The following CFAP74 variants were observed in gnomAD, a reference collection of about 807,000 sequenced individuals.
CFAP74 encodes the protein cilia and flagella associated protein 74.
A neutral mutation model predicts 188.9 loss-of-function variants in CFAP74; 124 were observed. The ratio of observed to expected loss-of-function variants is 0.66; its 90% CI spans 0.57 to 0.76. The LOEUF (loss-of-function observed/expected upper bound fraction) is 0.76. Ranked by LOEUF, CFAP74 falls within the 30% of genes least tolerant of loss-of-function variation. CFAP74 has a pLI of 0.00. For missense variants in CFAP74, 2,198 were observed against 2,165.2 expected, an observed-to-expected ratio of 1.02 and a Z score of -0.30; for synonymous variants, 956 against 916.7, an observed-to-expected ratio of 1.04 and a Z score of -0.77.
rs1652247426 is a variant in CFAP74, at chr1:1,930,110, C to T, written c.3238G>A (p.Asp1080Asn). Residue 1080 changes from aspartate (D) to asparagine (N), a missense_variant, in exon 26 of 39, where the codon GAC becomes AAC. Coordinates refer to ENST00000682832, the MANE Select transcript of CFAP74 (RefSeq NM_001304360.2). ...GAGGGCGAGATGGTGATAGGCGAGTCTGGGGGCAGCAGGAACTCGAAAGAC... is the reference window on the plus strand; with the variant it reads ...GAGGGCGAGATGGTGATAGGCGAGTTTGGGGGCAGCAGGAACTCGAAAGAC... ...PTSFEFLLPPDSPITISPSVG... is the reference protein window; with the variant it reads ...PTSFEFLLPPNSPITISPSVG... 3.3e-6 allele frequency: 5 copies of T among 1,534,932 alleles called. No homozygotes were observed. In the East Asian group the frequency reaches 1.2e-4, roughly 38 times the overall value.
chr1:1,949,052 TTTCCTTCC>T (rs202218537), intron 18 of CFAP74, among the ~76,000 whole-genome samples: 2 of 94,338 alleles, frequency 2.1e-5, no homozygotes, highest in Non-Finnish European at 4.1e-5. Context: ...CCTTCCCTCC[TTTCCTTCC>T]TTCCTTCCTT....
At chr1:1,969,764 G>A (rs1655796693) in intron 10 of CFAP74, among the ~76,000 whole-genome samples, 1 of 152,204 alleles carries the variant, frequency 6.6e-6, no homozygotes, top group Non-Finnish European at 1.5e-5. Context: ...ACTCAGGGGG[G>A]TGGGGAGGAC....
At position 1,990,388 on chromosome 1, in the gene CFAP74, C is replaced by T. The variant is rs184989569; in HGVS notation, c.67+502G>A. On this transcript the variant is annotated intron_variant, in intron 2 of 38. Transcript: ENST00000682832. Reference sequence around the variant, plus strand: ...GGGGGGCGGGAGAGGGAGACAGTGGCGGGGGGCAGGGGGGAGAAGGCCACA... The same window carrying T: ...GGGGGGCGGGAGAGGGAGACAGTGGTGGGGGGCAGGGGGGAGAAGGCCACA... Among the ~76,000 whole-genome samples the T allele has an allele frequency of 2.5e-3, 195 of 78,502 alleles. 1 individual carries two copies. Among genetic ancestry groups the T allele is most frequent in the East Asian group, 0.02 (57 of 2,878 alleles). The allele number at this position is 78,502 out of a possible 152,430, so 51.5% of individuals were successfully genotyped here. A position where few individuals can be genotyped will look rare whatever the true frequency, so the allele number is the denominator to read the frequency against.
chr1:1,923,574 C>A lies in CFAP74; in HGVS notation c.4390-75G>T. On this transcript the variant is annotated intron_variant, in intron 35 of 38. Coordinates refer to ENST00000682832, the MANE Select transcript of CFAP74 (RefSeq NM_001304360.2). The surrounding 1 kb of genome is among the most constrained non-coding windows in gnomAD (Gnocchi z 6.3). ...GTCCTGCTGGTGAGAGCTGGGCTGG[C>A]TCAGGGAAGGAAGCAGGGACGGCCT... 1 of 1,569,510 alleles carries A rather than the reference C, an allele frequency of 6.4e-7. No homozygotes were observed. The highest frequency in any genetic ancestry group is 1.2e-5 in the South Asian group (1 of 84,706).
intron 24 of CFAP74, 142 bp downstream of exon 24, chr1:1,939,452 A>C: frequency 1.3e-6 from 1 of 797,848 alleles, no homozygotes; most frequent in Admixed American, 2.6e-5. Flanking sequence ...GGGGAGGCCC[A>C]GGTGTGGAGG....
intron 21 of CFAP74, 48 bp downstream of exon 21, chr1:1,944,283 C>G (rs1239737157): frequency 1.3e-6 from 2 of 1,521,656 alleles, no homozygotes; most frequent in African/African-American, 2.8e-5. Context: ...CAGCGGCTCA[C>G]CCCGTGTGCG....
At chr1:1,970,585 G>A (rs576436761) in intron 10 of CFAP74, 74 bp downstream of exon 10, 173 of 1,488,374 alleles carry the variant, frequency 1.2e-4, no homozygotes, top group African/African-American at 2.6e-4. Context: ...ATGTGAAGCC[G>A]AACCCCCTTG....
At chr1:1,957,628 C>T (rs1051597708) in intron 16 of CFAP74, among the ~76,000 whole-genome samples, 10 of 152,312 alleles carry the variant, frequency 6.6e-5, no homozygotes, top group Non-Finnish European at 7.4e-5. Flanking sequence ...CGGGAGAGGC[C>T]GGGGCAGCTC....
intron 4 of CFAP74, chr1:1,988,017 T>G: frequency 2.2e-6 from 1 of 444,882 alleles, no homozygotes; most frequent in Non-Finnish European, 4.5e-6. Context: ...CACCCAGGCT[T>G]GCTGCAGCCT....
intron 18 of CFAP74, chr1:1,954,869 G>T: frequency 1.7e-6 from 2 of 1,153,802 alleles, no homozygotes; most frequent in Non-Finnish European, 2.2e-6. Flanking sequence ...CAGGTGCCCT[G>T]TGGGAACTCA....
intron 2 of CFAP74, 36 bp from the exon 3 acceptor site, chr1:1,989,009 AG>A: frequency 9.7e-7 from 1 of 1,032,822 alleles, no homozygotes; most frequent in Non-Finnish European, 1.4e-6. Context: ...AAAAAAAAAA[AG>A]CAGATCAAAC....
intron 1 of CFAP74, among the ~76,000 whole-genome samples, chr1:1,999,860 A>T (rs56316921): frequency 0.14 from 20,847 of 151,062 alleles, 1,749 homozygotes; most frequent in South Asian, 0.32. Context: ...ATGACATCCT[A>T]GGGAAAGTTA....
chr1:1,971,299 TCACACATGCA>T (rs1347176624), intron 9 of CFAP74, among the ~76,000 whole-genome samples: 1 of 132,714 alleles, frequency 7.5e-6, no homozygotes, highest in Non-Finnish European at 1.6e-5. Context: ...ACATACACGC[TCACACATGCA>T]CACCTGCAGA....
intron 11 of CFAP74, among the ~76,000 whole-genome samples, chr1:1,967,992 GTGAA>G (rs1205783000): frequency 9.4e-5 from 13 of 138,130 alleles, no homozygotes; most frequent in South Asian, 8.9e-4. Context: ...GAATGAATGA[GTGAA>G]TGAGTGAGCG....
chr1:1,955,191 G>A (rs1008545563), intron 18 of CFAP74: 10 of 1,288,624 alleles, frequency 7.8e-6, no homozygotes, highest in South Asian at 1.2e-5. Flanking sequence ...TCTGGATCTC[G>A]ATGCGTATGT....
At chr1:1,961,960 C>T (rs57794387) in intron 14 of CFAP74, among the ~76,000 whole-genome samples, 10 of 152,126 alleles carry the variant, frequency 6.6e-5, no homozygotes, top group Admixed American at 3.3e-4. Flanking sequence ...GAAGATGCCT[C>T]GTGGGAGAAG....
chr1:1,923,584 G>A lies in CFAP74; in HGVS notation c.4390-85C>T. On this transcript the variant is annotated intron_variant, in intron 35 of 38. Coordinates refer to ENST00000682832, the MANE Select transcript of CFAP74 (RefSeq NM_001304360.2). This position sits in a 1 kb window ranked among gnomAD's most constrained non-coding sequence, Gnocchi z 6.3. ...TGAGAGCTGGGCTGGCTCAGGGAAGGAAGCAGGGACGGCCTGGGGGCCCCG... is the reference window on the plus strand; with the variant it reads ...TGAGAGCTGGGCTGGCTCAGGGAAGAAAGCAGGGACGGCCTGGGGGCCCCG... 6.4e-7 allele frequency: 1 copy of A among 1,559,964 alleles called. No homozygotes were observed. Among genetic ancestry groups the A allele is most frequent in the Admixed American group, 1.9e-5 (1 of 53,520 alleles).
rs61776964 is a variant in CFAP74 at position 1,968,993 on chromosome 1, T to G, written c.1047-160A>C. Among the ~76,000 whole-genome samples, 18 of 92,370 alleles carry G rather than the reference T, an allele frequency of 1.9e-4. No homozygotes were observed. The highest frequency in any genetic ancestry group is 1.1e-3 in the East Asian group (3 of 2,792). 60.6% of individuals were successfully genotyped at this position (92,370 alleles called of 152,430 possible). On this transcript the variant is annotated intron_variant, in intron 10 of 38. Coordinates refer to ENST00000682832, the MANE Select transcript of CFAP74 (RefSeq NM_001304360.2). This position sits in a 1 kb window ranked among gnomAD's most constrained non-coding sequence, Gnocchi z 4.3. Reference sequence around the variant, plus strand: ...CAGCGCCTGGCGGCCCCTCCCTAGCTCCCTCCTGGGGACTCCATCCTACCC... The same window carrying G: ...CAGCGCCTGGCGGCCCCTCCCTAGCGCCCTCCTGGGGACTCCATCCTACCC...
chr1:1,964,507 A>G (rs1655317774), intron 13 of CFAP74, among the ~76,000 whole-genome samples: 1 of 152,198 alleles, frequency 6.6e-6, no homozygotes, highest in African/African-American at 2.4e-5. Context: ...AGCGAAAGGC[A>G]GGCCAGGCGC....
Sources: gnomAD v4.1 joint callset for allele counts (sites outside exome capture counted in the v4.1 genomes callset) on GRCh38, gnomAD v4.1.1 for gene constraint, Gnocchi (gnomAD v3.1) non-coding constraint, MANE v1.5 for transcripts, NCBI Gene and HGNC (gene_info 2026-07-23, HGNC 2026-07-21) for gene names.